The following ASTN2 variants were observed in gnomAD, a reference collection of about 807,000 sequenced individuals.
ASTN2 encodes astrotactin 2.
A neutral mutation model predicts 139.8 loss-of-function variants in ASTN2; 54 were observed. That is an observed-to-expected ratio of 0.39 (90% CI 0.31 to 0.48). The LOEUF (loss-of-function observed/expected upper bound fraction) is 0.48, where lower values mean the gene tolerates loss of function less well. Ranked by LOEUF, ASTN2 falls within the 20% of genes least tolerant of loss-of-function variation. ASTN2 has a pLI of 0.95. For missense variants in ASTN2, 1,565 were observed against 1,725.1 expected, an observed-to-expected ratio of 0.91 and a Z score of 1.64; for synonymous variants, 756 against 719.5, an observed-to-expected ratio of 1.05 and a Z score of -0.81.
chr9:116,740,653 C>T (rs188855228), intron 13 of ASTN2, among the ~76,000 whole-genome samples: 2 of 151,910 alleles, frequency 1.3e-5, no homozygotes, highest in Admixed American at 1.3e-4. Flanking sequence ...GCTGGGACTA[C>T]AGGCGCCCAC....
chr9:117,270,683 T>C (rs1834043352), intron 2 of ASTN2, among the ~76,000 whole-genome samples: 2 of 152,226 alleles, frequency 1.3e-5, no homozygotes, highest in African/African-American at 4.8e-5. Context: ...TCTTCCCATC[T>C]ATAAAACAGA....
chr9:117,232,117 A>G (rs1375610723), intron 2 of ASTN2, among the ~76,000 whole-genome samples: 1 of 152,186 alleles, frequency 6.6e-6, no homozygotes, highest in Non-Finnish European at 1.5e-5. Context: ...CAAAAGTAAC[A>G]GCAAAAGGTA....
In ASTN2 at chr9:116,488,762, T is replaced by C. The variant is rs146754006; in HGVS notation, c.3356-1262A>G. ...AAAAACAAATGTTTAAGGTGGACTG[T>C]CTGGAGAGTGACATAATGGGCACTT... is the stretch of plus-strand genomic sequence containing the variant. On this transcript the variant is annotated intron_variant, in intron 19 of 22. Coordinates refer to ENST00000313400, the MANE Select transcript of ASTN2 (RefSeq NM_001365068.1). Among the ~76,000 whole-genome samples, 246 of 152,326 alleles carry C rather than the reference T, an allele frequency of 1.6e-3. 2 individuals are homozygous for C. The highest frequency in any genetic ancestry group is 5.6e-3 in the African/African-American group (233 of 41,578).
chr9:117,166,698 G>C (rs1289363873), intron 3 of ASTN2, among the ~76,000 whole-genome samples: 2 of 151,964 alleles, frequency 1.3e-5, no homozygotes, highest in African/African-American at 4.8e-5. Flanking sequence ...AATCTTTCCT[G>C]ACCCTCTGCA....
chr9:117,266,768 A>T (rs1833947005), intron 2 of ASTN2, among the ~76,000 whole-genome samples: 1 of 152,234 alleles, frequency 6.6e-6, no homozygotes, highest in Non-Finnish European at 1.5e-5. Flanking sequence ...TCAACTGATG[A>T]ATAATAAAAT....
chr9:116,697,531 G>C lies in ASTN2; in HGVS notation c.2806+28240C>G, dbSNP rs1860924939. 4 of 616,254 alleles carry C rather than the reference G, an allele frequency of 6.5e-6. No individual in the cohort carries two copies. In the East Asian group the frequency reaches 8.9e-5, roughly 14 times the overall value. The allele number at this position is 616,254 out of a possible 1,614,324, so 38.2% of individuals were successfully genotyped here. A position where few individuals can be genotyped will look rare whatever the true frequency, so the allele number is the denominator to read the frequency against. ...TGTCACCCTCACGTGACATATAATA[G>C]ACCTCAATAAAATAGTTGTTAAGTA... On this transcript the variant is annotated intron_variant, in intron 16 of 22. Coordinates refer to ENST00000313400, the MANE Select transcript of ASTN2 (RefSeq NM_001365068.1).
At chr9:116,530,046 A>G (rs185175258) in intron 19 of ASTN2, among the ~76,000 whole-genome samples, 1 of 142,362 alleles carries the variant, frequency 7.0e-6, no homozygotes, top group African/African-American at 2.6e-5. Context: ...AATAGCCAAG[A>G]TATGGAATCA....
chr9:117,304,170 C>A (rs144781139), intron 1 of ASTN2, among the ~76,000 whole-genome samples: 86 of 152,296 alleles, frequency 5.6e-4, no homozygotes, highest in Non-Finnish European at 1.1e-3. Context: ...ATAACCAGCC[C>A]ATATAAATAG....
chr9:117,297,454 C>A (rs932180197), intron 1 of ASTN2, among the ~76,000 whole-genome samples: 3 of 152,140 alleles, frequency 2.0e-5, no homozygotes, highest in Non-Finnish European at 4.4e-5. Flanking sequence ...TTAATTAATG[C>A]AAAGCTTTAT....
At chr9:117,252,918 T>A (rs548100234) in intron 2 of ASTN2, among the ~76,000 whole-genome samples, 37 of 150,924 alleles carry the variant, frequency 2.5e-4, no homozygotes, top group Non-Finnish European at 4.3e-4. Flanking sequence ...TGGCTCTCAG[T>A]AAGTGCTATA....
At chr9:116,789,619 A>G (rs1830478465) in intron 13 of ASTN2, among the ~76,000 whole-genome samples, 3 of 152,236 alleles carry the variant, frequency 2.0e-5, no homozygotes. Flanking sequence ...CATACATTTC[A>G]ATTCAGGGCA....
chr9:116,566,987 C>T (rs1019408950), intron 19 of ASTN2, among the ~76,000 whole-genome samples: 2 of 152,202 alleles, frequency 1.3e-5, no homozygotes, highest in Non-Finnish European at 2.9e-5. Flanking sequence ...GATGTTTTAT[C>T]CCATCTCAGC....
At chr9:116,819,169 C>G (rs532880036) in intron 12 of ASTN2, among the ~76,000 whole-genome samples, 2 of 152,262 alleles carry the variant, frequency 1.3e-5, no homozygotes, top group East Asian at 3.9e-4. Flanking sequence ...ATTATTGCTG[C>G]TCCTGCTGCT....
Position 116,424,036 on chromosome 9 carries a change from T to C in ASTN2, c.*1815A>G, listed in dbSNP as rs1312723204. 6.6e-6 allele frequency among the ~76,000 whole-genome samples: 1 copy of C among 152,228 alleles called. No individual in the cohort carries two copies. The highest frequency in any genetic ancestry group is 1.9e-4 in the East Asian group (1 of 5,200). ...CTCTTAACAGGTGTCATCTTTGCAT[T>C]ATGATATACCTGACCTACATCCCAT... is the stretch of plus-strand genomic sequence containing the variant. On this transcript the variant is annotated 3_prime_UTR_variant, in exon 23 of 23. Coordinates refer to ENST00000313400, the MANE Select transcript of ASTN2 (RefSeq NM_001365068.1).
intron 19 of ASTN2, among the ~76,000 whole-genome samples, chr9:116,526,981 C>T (rs1385107588): frequency 1.3e-5 from 2 of 152,146 alleles, no homozygotes; most frequent in East Asian, 1.9e-4. Context: ...GCTGGGAAAG[C>T]TGGATATTGA....
intron 6 of ASTN2, among the ~76,000 whole-genome samples, chr9:117,023,907 G>A (rs1837972058): frequency 6.6e-6 from 1 of 152,094 alleles, no homozygotes; most frequent in African/African-American, 2.4e-5. Context: ...TCCTCACACT[G>A]TGTTTGGAAC....
chr9:117,030,602 G>A (rs916038283), intron 6 of ASTN2, among the ~76,000 whole-genome samples: 3 of 152,112 alleles, frequency 2.0e-5, no homozygotes, highest in Admixed American at 6.6e-5. Context: ...GCTTGAACAT[G>A]TTCAGCTGCT....
At chr9:116,913,598 T>A (rs1223714759) in intron 10 of ASTN2, among the ~76,000 whole-genome samples, 1 of 152,204 alleles carries the variant, frequency 6.6e-6, no homozygotes, top group African/African-American at 2.4e-5. Flanking sequence ...CAGAAGGATC[T>A]GAAATGCAAG....
At chr9:116,607,395 C>T (rs1478446890) in intron 19 of ASTN2, among the ~76,000 whole-genome samples, 1 of 152,070 alleles carries the variant, frequency 6.6e-6, no homozygotes, top group Admixed American at 6.5e-5. Flanking sequence ...AGTCCTAAAA[C>T]AAAGGTTAAA....
Sources: allele counts gnomAD v4.1 joint callset (sites outside exome capture counted in the v4.1 genomes callset), GRCh38; gene constraint gnomAD v4.1.1; transcripts MANE v1.5; gene names NCBI Gene and HGNC (gene_info 2026-07-23, HGNC 2026-07-21).